FGGY: variants seen among roughly 807,000 people sequenced by gnomAD.
FGGY encodes the protein FGGY carbohydrate kinase domain-containing protein.
A neutral mutation model predicts 71.3 loss-of-function variants in FGGY; 72 were observed. The ratio of observed to expected loss-of-function variants is 1.01; its 90% CI spans 0.84 to 1.23. The LOEUF (loss-of-function observed/expected upper bound fraction) is 1.23. FGGY is among the 50% of genes most tolerant of loss of function. FGGY has a pLI of 0.00. For synonymous variants in FGGY, 251 were observed against 250.3 expected, an observed-to-expected ratio of 1.00 and a Z score of -0.02; for missense variants, 668 against 682.3, an observed-to-expected ratio of 0.98 and a Z score of 0.23.
Position 59,373,907 on chromosome 1 carries a change from G to T in FGGY, c.466-4842G>T, listed in dbSNP as rs552592145. Among the ~76,000 whole-genome samples, 16 of 152,320 alleles carry T rather than the reference G, an allele frequency of 1.1e-4. No homozygotes were observed. In the East Asian group the frequency reaches 3.1e-3, roughly 29 times the overall value. ...ACACCCTATACAAAAATTAATTCAA[G>T]ATGGATTAAAGACTTAAACGTTAGA... On this transcript the variant is annotated intron_variant, in intron 4 of 15. Coordinates refer to ENST00000303721, the MANE Select transcript of FGGY (RefSeq NM_018291.5).
At chr1:59,587,308 G>T (rs191211418) in intron 8 of FGGY, among the ~76,000 whole-genome samples, 18 of 152,026 alleles carry the variant, frequency 1.2e-4, no homozygotes, top group Non-Finnish European at 4.4e-5. Flanking sequence ...GAACTGGGTG[G>T]AGCCCACCAC....
At chr1:59,330,568 CAA>C (rs530024547) in intron 2 of FGGY, among the ~76,000 whole-genome samples, 9 of 122,270 alleles carry the variant, frequency 7.4e-5, no homozygotes, top group Non-Finnish European at 6.8e-5. Flanking sequence ...GACTCCATCT[CAA>C]AAAAAAAAAA....
chr1:59,356,464 G>A (rs2054330605), intron 4 of FGGY, among the ~76,000 whole-genome samples: 1 of 151,954 alleles, frequency 6.6e-6, no homozygotes, highest in African/African-American at 2.4e-5. Flanking sequence ...CTTGACTTAG[G>A]GTCCTACACT....
At chr1:59,307,425 G>T (rs1178181215) in intron 1 of FGGY, among the ~76,000 whole-genome samples, 2 of 151,810 alleles carry the variant, frequency 1.3e-5, no homozygotes, top group Non-Finnish European at 2.9e-5. Context: ...ATTTGAATAA[G>T]GCTATTGTTA....
chr1:59,408,831 C>T lies in FGGY; in HGVS notation c.554+29994C>T, dbSNP rs143459656. On this transcript the variant is annotated intron_variant, in intron 5 of 15. Coordinates refer to ENST00000303721, the MANE Select transcript of FGGY (RefSeq NM_018291.5). ...GGCTTTCAAGCTATTTGTCCAGAGG[C>T]CCAACCACTTTGATTTCTGCTTGAA... 9.9e-5 allele frequency among the ~76,000 whole-genome samples: 15 copies of T among 152,272 alleles called. No individual in the cohort carries two copies. The East Asian group carries it at 2.9e-3, about 29-fold the overall frequency.
chr1:59,556,759 A>G (rs2095693058), intron 8 of FGGY, among the ~76,000 whole-genome samples: 1 of 152,228 alleles, frequency 6.6e-6, no homozygotes, highest in Non-Finnish European at 1.5e-5. Context: ...GTTTGTACCT[A>G]GCACACAGCA....
At chr1:59,552,711 C>G (rs757455605) in intron 7 of FGGY, among the ~76,000 whole-genome samples, 1 of 152,172 alleles carries the variant, frequency 6.6e-6, no homozygotes, top group Non-Finnish European at 1.5e-5. Flanking sequence ...TGTGGCCCCT[C>G]CTGTGATACA....
chr1:59,575,979 G>T (rs2096069102), intron 8 of FGGY, among the ~76,000 whole-genome samples: 1 of 152,100 alleles, frequency 6.6e-6, no homozygotes, highest in Non-Finnish European at 1.5e-5. Flanking sequence ...TGCAAATTTT[G>T]CTTCTCTCTT....
intron 1 of FGGY, among the ~76,000 whole-genome samples, chr1:59,321,138 G>A (rs1488480299): frequency 1.3e-5 from 2 of 152,160 alleles, no homozygotes; most frequent in Non-Finnish European, 2.9e-5. Flanking sequence ...GGAGGACAAG[G>A]TTCCTTTTCA....
intron 12 of FGGY, among the ~76,000 whole-genome samples, chr1:59,663,503 C>T (rs771914473): frequency 6.6e-6 from 1 of 152,048 alleles, no homozygotes; most frequent in African/African-American, 2.4e-5. Context: ...AAACTTAATG[C>T]GGGCAGGAGA....
At chr1:59,446,023 T>C (rs2071156627) in intron 5 of FGGY, among the ~76,000 whole-genome samples, 1 of 152,210 alleles carries the variant, frequency 6.6e-6, no homozygotes, top group Non-Finnish European at 1.5e-5. Flanking sequence ...TCCTCACAAG[T>C]TTGTTGTGAT....
chr1:59,430,812 G>T (rs1344105621), intron 5 of FGGY, among the ~76,000 whole-genome samples: 5 of 152,066 alleles, frequency 3.3e-5, no homozygotes, highest in Non-Finnish European at 7.4e-5. Context: ...TGACTTATCT[G>T]AATATCAGCC....
At chr1:59,710,531 T>A (rs878972725) in intron 14 of FGGY, among the ~76,000 whole-genome samples, 66 of 151,974 alleles carry the variant, frequency 4.3e-4, no homozygotes, top group African/African-American at 1.5e-3. Context: ...GGGGAGAAAA[T>A]TTTTGCAATC....
intron 7 of FGGY, among the ~76,000 whole-genome samples, chr1:59,512,668 GA>G (rs900295423): frequency 3.3e-5 from 5 of 151,794 alleles, no homozygotes; most frequent in Admixed American, 6.6e-5. Flanking sequence ...CATGGCAATA[GA>G]AAAAAATGTA....
intron 8 of FGGY, among the ~76,000 whole-genome samples, chr1:59,569,317 A>G (rs910768848): frequency 2.0e-5 from 3 of 152,244 alleles, no homozygotes; most frequent in African/African-American, 7.2e-5. Flanking sequence ...CAGATTTAAC[A>G]TAAATTAAGC....
intron 5 of FGGY, among the ~76,000 whole-genome samples, chr1:59,411,991 C>G (rs77845462): frequency 1.2e-4 from 19 of 152,298 alleles, no homozygotes; most frequent in Admixed American, 2.6e-4. Context: ...CTGACACTTC[C>G]GTCACTTAGG....
chr1:59,506,660 G>A (rs906094926), intron 6 of FGGY, among the ~76,000 whole-genome samples: 16 of 152,126 alleles, frequency 1.1e-4, no homozygotes, highest in Admixed American at 2.0e-4. Flanking sequence ...TTAGCCAGCC[G>A]TGCTGGCGTG....
chr1:59,615,407 A>G (rs972490764), intron 9 of FGGY, among the ~76,000 whole-genome samples: 10 of 152,212 alleles, frequency 6.6e-5, no homozygotes, highest in East Asian at 5.8e-4. Context: ...AGGATTCCCT[A>G]TTTAATAAAT....
chr1:59,622,726 T>A (rs1020597275), intron 9 of FGGY, among the ~76,000 whole-genome samples: 7 of 152,338 alleles, frequency 4.6e-5, no homozygotes, highest in African/African-American at 1.7e-4. Context: ...CTCTCATTTC[T>A]TAATCAGAAA....
Sources: allele counts gnomAD v4.1 joint callset (sites outside exome capture counted in the v4.1 genomes callset), GRCh38; gene constraint gnomAD v4.1.1; transcripts MANE v1.5; gene names NCBI Gene and HGNC (gene_info 2026-07-23, HGNC 2026-07-21).